The following ZC3H6 variants were observed in gnomAD, a reference collection of about 807,000 sequenced individuals.
ZC3H6 encodes the protein zinc finger CCCH-type containing 6.
Under a neutral mutation model 107.7 loss-of-function variants are expected in ZC3H6, and 40 were observed. The observed-to-expected ratio is 0.37, with a 90% CI of 0.29 to 0.48. The LOEUF (loss-of-function observed/expected upper bound fraction) is 0.48, where lower values mean the gene tolerates loss of function less well. ZC3H6 is among the 20% of genes least tolerant of loss of function. The pLI is 0.98. For missense variants in ZC3H6, 1,267 were observed against 1,410.4 expected (o/e 0.90, Z 1.63); for synonymous variants, 493 against 487.9 (o/e 1.01, Z -0.14).
intron 2 of ZC3H6, among the ~76,000 whole-genome samples, chr2:112,301,406 G>A (rs1345363986): frequency 6.6e-6 from 1 of 152,150 alleles, no homozygotes; most frequent in African/African-American, 2.4e-5. Context: ...TAACAAATGG[G>A]GGAAGGAAGC....
intron 7 of ZC3H6, among the ~76,000 whole-genome samples, chr2:112,320,845 C>T (rs1676787825): frequency 6.6e-6 from 1 of 152,014 alleles, no homozygotes; most frequent in Non-Finnish European, 1.5e-5. Context: ...CTGTGGCAGA[C>T]ATAAAACATG....
At chr2:112,276,127 C>T (rs1686413554) in intron 1 of ZC3H6, 101 bp downstream of exon 1, 12 of 996,936 alleles carry the variant, frequency 1.2e-5, no homozygotes, top group Admixed American at 5.1e-5. Context: ...ACCTAGACGT[C>T]TCTGTGTGGC....
intron 7 of ZC3H6, 69 bp from the exon 8 acceptor site, chr2:112,321,687 G>T: frequency 1.3e-6 from 1 of 754,882 alleles, no homozygotes; most frequent in Non-Finnish European, 2.1e-6. Context: ...TCTAACAGTT[G>T]TAGGTTTTGG....
At position 112,332,496 on chromosome 2, in the gene ZC3H6, G is replaced by T; in HGVS notation, c.*8G>T. The T allele has an allele frequency of 6.3e-7, 1 of 1,592,636 alleles. No individual in the cohort carries two copies. Among genetic ancestry groups the T allele is most frequent in the Non-Finnish European group, 8.5e-7 (1 of 1,170,642 alleles). ...GCTTCACCATTTTGTTAGCTATTGT[G>T]TAACTGAGCAATTCTTTTCACTCTT... On this transcript the variant is annotated 3_prime_UTR_variant, in exon 12 of 12. Coordinates refer to ENST00000409871, the MANE Select transcript of ZC3H6 (RefSeq NM_198581.3).
intron 3 of ZC3H6, among the ~76,000 whole-genome samples, 171 bp from the exon 4 acceptor site, chr2:112,309,714 T>A (rs1676559150): frequency 6.6e-6 from 1 of 152,194 alleles, no homozygotes; most frequent in South Asian, 2.1e-4. Context: ...ATTTAGGCTT[T>A]TGAAGTTAGT....
chr2:112,329,856 G>C (rs1030937126), intron 11 of ZC3H6, among the ~76,000 whole-genome samples: 1 of 152,192 alleles, frequency 6.6e-6, no homozygotes, highest in Non-Finnish European at 1.5e-5. Context: ...GCCAACCTGT[G>C]TATATTTTAA....
At chr2:112,324,836 C>A in intron 10 of ZC3H6, 128 bp from the exon 11 acceptor site, 2 of 1,136,182 alleles carry the variant, frequency 1.8e-6, no homozygotes, top group Non-Finnish European at 2.5e-6. Flanking sequence ...TTTTAGATAA[C>A]TTTTAGAAAT....
intron 2 of ZC3H6, among the ~76,000 whole-genome samples, chr2:112,300,619 TAGC>T (rs1333468174): frequency 6.6e-6 from 1 of 152,234 alleles, no homozygotes; most frequent in East Asian, 1.9e-4. Context: ...AGATACAGAT[TAGC>T]AGCATTGGCA....
At position 112,325,198 on chromosome 2, in the gene ZC3H6, G is replaced by C. The variant is rs769052816; in HGVS notation, c.2086+1G>C. ...CATAGGGCACCAAGCAAGGAAGAAGGTGTGTCAGAAGTTATTAATAGCATC... is the reference window on the plus strand; with the variant it reads ...CATAGGGCACCAAGCAAGGAAGAAGCTGTGTCAGAAGTTATTAATAGCATC... On this transcript the variant is annotated splice_donor_variant, in intron 11 of 11. Coordinates refer to ENST00000409871, the MANE Select transcript of ZC3H6 (RefSeq NM_198581.3). LOFTEE classifies it high-confidence loss of function. 2 of 1,613,730 alleles carry C rather than the reference G, an allele frequency of 1.2e-6. No individual in the cohort carries two copies. The highest frequency in any genetic ancestry group is 1.7e-5 in the Admixed American group (1 of 59,998).
Position 112,311,921 on chromosome 2 carries a change from C to T in ZC3H6, c.731C>T (p.Ser244Leu), listed in dbSNP as rs966378466. 31 of 1,611,546 alleles carry T rather than the reference C, an allele frequency of 1.9e-5. No homozygotes were observed. Among genetic ancestry groups the T allele is most frequent in the East Asian group, 6.7e-5 (3 of 44,798 alleles). ...AAAGGGCCTAATGTGTTTTCAGTATCGGATGACTTTCAAGAGGTACTAAGA... is the reference window on the plus strand; with the variant it reads ...AAAGGGCCTAATGTGTTTTCAGTATTGGATGACTTTCAAGAGGTACTAAGA... ...TNKGPNVFSV[S>L]DDFQEYNKPG... Residue 244 changes from serine (S) to leucine (L), a missense_variant, in exon 5 of 12, where the codon TCG becomes TTG. Transcript: ENST00000409871.
At chr2:112,324,046 A>C (rs989845542) in intron 9 of ZC3H6, 106 bp from the exon 10 acceptor site, 2 of 1,252,378 alleles carry the variant, frequency 1.6e-6, no homozygotes, top group African/African-American at 3.0e-5. Context: ...ACAGTATTCT[A>C]TTCTGATGTA....
At position 112,303,301 on chromosome 2, in the gene ZC3H6, C is replaced by A. The variant is rs367591228; in HGVS notation, c.286C>A (p.His96Asn). ...AGATGTTGAACATACAGAAAGTTCC[C>A]ATAAAAAAAGAACTGGTTTCTACAG... ...DSDVEHTESS[H>N]KKRTGFYRDY... The change falls in exon 3 of 12, where the codon CAT (histidine) becomes AAT (asparagine). Residue 96 changes from histidine to asparagine, a missense_variant. By Grantham distance (68) the His-to-Asn change is moderately conservative (BLOSUM62 1). Transcript: ENST00000409871. 3.1e-6 allele frequency: 5 copies of A among 1,612,926 alleles called. No individual in the cohort carries two copies. The highest frequency in any genetic ancestry group is 1.7e-5 in the Admixed American group (1 of 59,930).
chr2:112,310,465 G>T (rs1338395955), intron 4 of ZC3H6, among the ~76,000 whole-genome samples: 1 of 152,066 alleles, frequency 6.6e-6, no homozygotes, highest in African/African-American at 2.4e-5. Context: ...TATCTCTGTT[G>T]CTGTATGTAT....
intron 3 of ZC3H6, among the ~76,000 whole-genome samples, chr2:112,308,847 T>C (rs1464455199): frequency 6.7e-6 from 1 of 149,256 alleles, no homozygotes; most frequent in Non-Finnish European, 1.5e-5. Flanking sequence ...AGGTCAGGAG[T>C]TCGAGACCAG....
chr2:112,321,122 G>A (rs1676793117), intron 7 of ZC3H6, among the ~76,000 whole-genome samples: 1 of 151,874 alleles, frequency 6.6e-6, no homozygotes, highest in Admixed American at 6.6e-5. Context: ...TCACCTGAGA[G>A]TGGTATATTT....
intron 1 of ZC3H6, among the ~76,000 whole-genome samples, chr2:112,282,089 T>C (rs145807991): frequency 7.0e-4 from 106 of 152,320 alleles, no homozygotes; most frequent in African/African-American, 2.4e-3. Context: ...CATTCATAGT[T>C]TCTTGGCAAA....
chr2:112,331,236 A>T lies in ZC3H6; in HGVS notation c.2318A>T (p.Glu773Val). 1 of 1,613,704 alleles carries T rather than the reference A, an allele frequency of 6.2e-7. No homozygotes were observed. The highest frequency in any genetic ancestry group is 1.3e-5 in the African/African-American group (1 of 75,026). Reference protein sequence around the residue: ...IPRQDIRKPSESAPLDLRLAW... With the variant: ...IPRQDIRKPSVSAPLDLRLAW... ...AGGCAAGACATTAGAAAGCCTTCTG[A>T]GTCTGCCCCACTGGATCTTAGACTT... The change falls in exon 12 of 12, where the codon GAG (glutamate) becomes GTG (valine). Residue 773 changes from glutamate to valine, a missense_variant. Glu to Val is a moderately radical substitution (Grantham distance 121, BLOSUM62 -2). Coordinates refer to ENST00000409871, the MANE Select transcript of ZC3H6 (RefSeq NM_198581.3).
intron 5 of ZC3H6, chr2:112,312,240 A>T (rs1558953094): frequency 4.8e-6 from 1 of 208,284 alleles, no homozygotes; most frequent in East Asian, 1.1e-4. Flanking sequence ...CTTTCCTAGG[A>T]ATCATCTTCC....
rs1252262591 is a variant in ZC3H6, at chr2:112,288,187, G to A, written c.33-11662G>A. ...CCTTCAGGAACAGACTCCAAACTTG[G>A]TCTATTCCAGCTTCCTTTCATTTTT... On this transcript the variant is annotated intron_variant, in intron 1 of 11. Transcript: ENST00000409871. 3.3e-5 allele frequency among the ~76,000 whole-genome samples: 5 copies of A among 152,150 alleles called. No individual in the cohort carries two copies. The East Asian group carries it at 9.6e-4, about 29-fold the overall frequency.
Sources: gnomAD v4.1 joint callset for allele counts (sites outside exome capture counted in the v4.1 genomes callset) on GRCh38, gnomAD v4.1.1 for gene constraint, MANE v1.5 for transcripts, NCBI Gene and HGNC (gene_info 2026-07-23, HGNC 2026-07-21) for gene names.